The following EVI5 variants were observed in gnomAD, a reference collection of about 807,000 sequenced individuals.
EVI5 encodes the protein ecotropic viral integration site 5 protein homolog.
A neutral mutation model predicts 112.0 loss-of-function variants in EVI5; 73 were observed. The ratio of observed to expected loss-of-function variants is 0.65; its 90% CI spans 0.54 to 0.79. The LOEUF (loss-of-function observed/expected upper bound fraction) is 0.79, where lower values mean the gene tolerates loss of function less well. Among genes scored for constraint, EVI5 ranks in the 30% least tolerant of loss-of-function variants. The probability of loss-of-function intolerance (pLI) is 0.00; values close to 1 mark genes in which losing one functional copy is unlikely to be tolerated. For missense variants in EVI5, 900 were observed against 968.8 expected (o/e 0.93, Z 0.94); for synonymous variants, 305 against 319.9 (o/e 0.95, Z 0.50).
intron 19 of EVI5, among the ~76,000 whole-genome samples, chr1:92,528,366 C>A (rs913767647): frequency 6.6e-6 from 1 of 152,162 alleles, no homozygotes; most frequent in Non-Finnish European, 1.5e-5. Context: ...CTGGCTTATG[C>A]CTGTTGTTAC....
At chr1:92,603,286 G>A (rs1649586351) in intron 18 of EVI5, among the ~76,000 whole-genome samples, 1 of 152,182 alleles carries the variant, frequency 6.6e-6, no homozygotes, top group Non-Finnish European at 1.5e-5. Flanking sequence ...GTGGAAAATG[G>A]TATGGCAATT....
chr1:92,784,643 G>T (rs1026470315), intron 1 of EVI5, among the ~76,000 whole-genome samples, 193 bp downstream of exon 1: 1 of 151,728 alleles, frequency 6.6e-6, no homozygotes, highest in South Asian at 2.1e-4. Flanking sequence ...GGGCGGCGGC[G>T]GCGGCGACAG....
At chr1:92,763,547 T>G (rs961564662) in intron 1 of EVI5, among the ~76,000 whole-genome samples, 1 of 152,094 alleles carries the variant, frequency 6.6e-6, no homozygotes, top group African/African-American at 2.4e-5. Flanking sequence ...CCCTGGAGTT[T>G]GACGCTGCAA....
intron 16 of EVI5, among the ~76,000 whole-genome samples, chr1:92,613,236 C>A (rs1652288507): frequency 6.6e-6 from 1 of 152,134 alleles, no homozygotes; most frequent in South Asian, 2.1e-4. Context: ...GCACTAAAGA[C>A]CAAACACACC....
chr1:92,657,300 C>CA (rs1215772370), intron 13 of EVI5, among the ~76,000 whole-genome samples: 6 of 151,614 alleles, frequency 4.0e-5, no homozygotes, highest in Non-Finnish European at 7.4e-5. Context: ...TCAACAGATG[C>CA]AAAAAAAAGC....
rs573241449 is a variant in EVI5, at chr1:92,679,222, T to A, written c.1098-2004A>T. Among the ~76,000 whole-genome samples, 11 of 152,238 alleles carry A rather than the reference T, an allele frequency of 7.2e-5. No individual in the cohort carries two copies. The East Asian group carries it at 1.9e-3, about 27-fold the overall frequency. On this transcript the variant is annotated intron_variant, in intron 9 of 19. Transcript: ENST00000684568. ...TGATCTGACATGAGGTGGAACAGTT[T>A]CAACCTGAAGCCATACCCCCAGCCC...
In EVI5 at chr1:92,636,207, C is replaced by G; in HGVS notation, c.1522G>C (p.Glu508Gln). The G allele has an allele frequency of 6.2e-7, 1 of 1,612,060 alleles. No homozygotes were observed. Among genetic ancestry groups the G allele is most frequent in the Non-Finnish European group, 8.5e-7 (1 of 1,179,030 alleles). The change falls in exon 14 of 20, where the codon GAG (glutamate) becomes CAG (glutamine). Residue 508 changes from glutamate (E) to glutamine (Q), a missense_variant. Transcript: ENST00000684568. Reference sequence around the variant, plus strand: ...CATTTGTGTAGGTTTCTTACCTTCTCTATATCCAAGACTTTATCCTGCATC... The same window carrying G: ...CATTTGTGTAGGTTTCTTACCTTCTGTATATCCAAGACTTTATCCTGCATC... Reference protein sequence around the residue: ...KEMQDKVLDIEKRNNSLPDEN... With the variant: ...KEMQDKVLDIQKRNNSLPDEN...
chr1:92,688,579 G>T (rs866195453), intron 9 of EVI5, among the ~76,000 whole-genome samples: 15 of 151,938 alleles, frequency 9.9e-5, no homozygotes, highest in African/African-American at 3.4e-4. Context: ...AATAAAGTGG[G>T]AGAAGGCATG....
chr1:92,743,949 A>G (rs1558187817), intron 1 of EVI5, among the ~76,000 whole-genome samples: 2 of 152,068 alleles, frequency 1.3e-5, no homozygotes, highest in Admixed American at 6.5e-5. Flanking sequence ...TTAATCACTG[A>G]TTTTTGAATC....
intron 19 of EVI5, among the ~76,000 whole-genome samples, chr1:92,545,752 CTG>C (rs1665584438): frequency 6.6e-6 from 1 of 152,150 alleles, no homozygotes; most frequent in South Asian, 2.1e-4. Flanking sequence ...TAAAAACAAA[CTG>C]AGCAGTGCAA....
At chr1:92,583,906 T>TA (rs1672369661) in intron 18 of EVI5, among the ~76,000 whole-genome samples, 1 of 152,210 alleles carries the variant, frequency 6.6e-6, no homozygotes, top group African/African-American at 2.4e-5. Context: ...ATAGGTATCA[T>TA]ACCTCTAAAG....
chr1:92,692,871 G>C (rs1669711769), intron 9 of EVI5, among the ~76,000 whole-genome samples: 1 of 152,124 alleles, frequency 6.6e-6, no homozygotes, highest in South Asian at 2.1e-4. Context: ...ACCATAGAAA[G>C]TACAGTATCA....
chr1:92,558,967 T>C (rs1040017161), intron 19 of EVI5, among the ~76,000 whole-genome samples: 3 of 151,976 alleles, frequency 2.0e-5, no homozygotes, highest in Admixed American at 6.6e-5. Context: ...CAAAGCACTA[T>C]ACAGTTGTCC....
At chr1:92,554,658 A>C (rs1252382778) in intron 19 of EVI5, among the ~76,000 whole-genome samples, 2 of 152,218 alleles carry the variant, frequency 1.3e-5, no homozygotes, top group African/African-American at 4.8e-5. Context: ...ATAGCTACTC[A>C]TTTAAAGAAG....
At chr1:92,594,681 A>G (rs1247056396) in intron 18 of EVI5, among the ~76,000 whole-genome samples, 6 of 152,000 alleles carry the variant, frequency 3.9e-5, no homozygotes, top group Non-Finnish European at 7.4e-5. Flanking sequence ...ACAAAGGGCT[A>G]ATATCCAGAA....
At position 92,662,875 on chromosome 1, in the gene EVI5, T is replaced by C. The variant is rs79457413; in HGVS notation, c.1246-10A>G. ...CTCTTGTCACTTGTCCCTTAGGACA[T>C]AATTTTTGTGTGTGTAAAGCAATTT... On this transcript the variant is annotated splice_polypyrimidine_tract_variant and intron_variant, in intron 12 of 19. Coordinates refer to ENST00000684568, the MANE Select transcript of EVI5 (RefSeq NM_001350197.2). 4.3e-4 allele frequency: 552 copies of C among 1,273,304 alleles called. 2 individuals carry two copies. The African/African-American group carries it at 8.0e-3, about 18-fold the overall frequency. The allele number at this position is 1,273,304 out of a possible 1,614,324, so 78.9% of individuals were successfully genotyped here.
chr1:92,696,804 C>CA (rs1670390791), intron 6 of EVI5, among the ~76,000 whole-genome samples: 1 of 152,136 alleles, frequency 6.6e-6, no homozygotes, highest in African/African-American at 2.4e-5. Context: ...TTTGGAAGGC[C>CA]AAGGCGGGCG....
intron 2 of EVI5, among the ~76,000 whole-genome samples, chr1:92,710,565 T>C (rs1672694427): frequency 1.3e-5 from 2 of 152,190 alleles, no homozygotes; most frequent in Admixed American, 1.3e-4. Flanking sequence ...CAGTAAATAA[T>C]TCACAGGCCT....
Position 92,601,661 on chromosome 1 carries a change from C to G in EVI5, c.2070+3646G>C, listed in dbSNP as rs151257922. 6.9e-3 allele frequency among the ~76,000 whole-genome samples: 1,054 copies of G among 151,966 alleles called. 9 individuals carry two copies. Among genetic ancestry groups the G allele is most frequent in the South Asian group, 0.013 (61 of 4,814 alleles). On this transcript the variant is annotated intron_variant, in intron 18 of 19. Transcript: ENST00000684568. ...CATGTGGGATACAAAAAGTTGAACT[C>G]AAAAGTACAGAGTAGAATGGTGGTT...
Sources: gnomAD v4.1 joint callset for allele counts (sites outside exome capture counted in the v4.1 genomes callset) on GRCh38, gnomAD v4.1.1 for gene constraint, MANE v1.5 for transcripts, NCBI Gene and HGNC (gene_info 2026-07-23, HGNC 2026-07-21) for gene names.